WDR70: variants seen among roughly 807,000 people sequenced by gnomAD.
WDR70 encodes WD repeat domain 70, also known as WD repeat-containing protein 70.
In WDR70, 53 loss-of-function variants were observed where a neutral mutation model predicts 88.6. That is an observed-to-expected ratio of 0.60 (90% CI 0.48 to 0.75). WDR70 has a LOEUF of 0.75. Ranked by LOEUF, WDR70 falls within the 30% of genes least tolerant of loss-of-function variation. WDR70 has a pLI of 0.00. For missense variants in WDR70, 610 were observed against 823.2 expected, an observed-to-expected ratio of 0.74 and a Z score of 3.17; for synonymous variants, 280 against 270.0, an observed-to-expected ratio of 1.04 and a Z score of -0.36.
At chr5:37,449,204 TG>T (rs1002728713) in intron 7 of WDR70, among the ~76,000 whole-genome samples, 4 of 152,204 alleles carry the variant, frequency 2.6e-5, no homozygotes, top group African/African-American at 9.6e-5. Flanking sequence ...GTTTCAACTG[TG>T]GTGATTGGGA....
At chr5:37,611,567 T>C (rs1581434654) in intron 10 of WDR70, among the ~76,000 whole-genome samples, 1 of 152,076 alleles carries the variant, frequency 6.6e-6, no homozygotes, top group African/African-American at 2.4e-5. Context: ...AATGCATTGA[T>C]ATATTTTTAG....
At chr5:37,481,624 C>T (rs986213553) in intron 8 of WDR70, among the ~76,000 whole-genome samples, 5 of 152,144 alleles carry the variant, frequency 3.3e-5, no homozygotes, top group African/African-American at 4.8e-5. Flanking sequence ...CCTTCTAAGC[C>T]TCCAGGCCTG....
rs774084026 is a variant in WDR70, at chr5:37,437,998, A to G, written c.552+17A>G. ...ACTAAAACAGTAAGTTTAAAAATCT[A>G]GTTTTTTCCTCTCTCAAATTACAGG... On this transcript the variant is annotated intron_variant, in intron 6 of 17. Coordinates refer to ENST00000265107, the MANE Select transcript of WDR70 (RefSeq NM_018034.4). The G allele has an allele frequency of 2.5e-6, 4 of 1,601,312 alleles. No homozygotes were observed. The highest frequency in any genetic ancestry group is 3.4e-5 in the Admixed American group (2 of 58,498).
chr5:37,470,136 CAAA>C (rs60159670), intron 7 of WDR70, among the ~76,000 whole-genome samples: 3 of 115,730 alleles, frequency 2.6e-5, no homozygotes, highest in Non-Finnish European at 6.6e-5. Context: ...AAAACAAAAA[CAAA>C]AAAAAACGCA....
At chr5:37,489,648 A>G (rs1223922185) in intron 8 of WDR70, among the ~76,000 whole-genome samples, 2 of 152,046 alleles carry the variant, frequency 1.3e-5, no homozygotes, top group East Asian at 3.9e-4. Flanking sequence ...GCCATCTGGT[A>G]GTACACACTC....
intron 13 of WDR70, 24 bp downstream of exon 13, chr5:37,703,111 G>C: frequency 6.3e-7 from 1 of 1,586,228 alleles, no homozygotes; most frequent in Non-Finnish European, 8.6e-7. Flanking sequence ...TTTCTCCTCA[G>C]CCTTGAGAAT....
chr5:37,648,357 T>C (rs1489259399), intron 10 of WDR70, among the ~76,000 whole-genome samples: 1 of 152,162 alleles, frequency 6.6e-6, no homozygotes, highest in Non-Finnish European at 1.5e-5. Flanking sequence ...CACCATACCA[T>C]GTCTTTCAGG....
intron 8 of WDR70, among the ~76,000 whole-genome samples, chr5:37,501,769 C>T (rs977654072): frequency 1.3e-5 from 2 of 151,970 alleles, no homozygotes; most frequent in Non-Finnish European, 2.9e-5. Flanking sequence ...TGGCTTTATT[C>T]CTGGGTTCTC....
chr5:37,750,043 G>C (rs1359700855), intron 17 of WDR70, among the ~76,000 whole-genome samples: 1 of 151,988 alleles, frequency 6.6e-6, no homozygotes, highest in Non-Finnish European at 1.5e-5. Context: ...AATACAAAAT[G>C]TACCCATTTC....
intron 8 of WDR70, among the ~76,000 whole-genome samples, chr5:37,486,193 T>A (rs1739862828): frequency 6.6e-6 from 1 of 152,148 alleles, no homozygotes; most frequent in Admixed American, 6.5e-5. Flanking sequence ...AGATGAGCCA[T>A]TGGATTAAAT....
rs766906476 is a variant in WDR70, at chr5:37,726,974, T to C, written c.1806T>C (p.Pro602=). The C allele has an allele frequency of 1.6e-5, 26 of 1,611,628 alleles. No homozygotes were observed. Among genetic ancestry groups the C allele is most frequent in the Admixed American group, 6.7e-5 (4 of 59,642 alleles). The change falls in exon 17 of 18, where the codon CCT becomes CCC. Residue 602 remains proline (P), a synonymous_variant. Transcript: ENST00000265107. Reference sequence around the variant, plus strand: ...TGGACAAGACCGATGACAGTAATCCTCGGGAAGCCATTTTGCGTCATGCCA... The same window carrying C: ...TGGACAAGACCGATGACAGTAATCCCCGGGAAGCCATTTTGCGTCATGCCA... ...IALDKTDDSN[P]REAILRHAKA...
intron 9 of WDR70, among the ~76,000 whole-genome samples, chr5:37,588,925 C>T (rs112358726): frequency 2.0e-4 from 30 of 151,904 alleles, no homozygotes; most frequent in African/African-American, 5.8e-4. Flanking sequence ...CCACCATGTT[C>T]GGCTAATTTT....
intron 7 of WDR70, among the ~76,000 whole-genome samples, chr5:37,449,063 T>C (rs1177472881): frequency 4.6e-5 from 7 of 152,260 alleles, no homozygotes; most frequent in Non-Finnish European, 7.3e-5. Flanking sequence ...CCATATGCCA[T>C]TCTTTGGCTG....
At chr5:37,704,791 G>A (rs541138696) in intron 13 of WDR70, among the ~76,000 whole-genome samples, 1 of 152,122 alleles carries the variant, frequency 6.6e-6, no homozygotes, top group Non-Finnish European at 1.5e-5. Flanking sequence ...TCGGTTAGGT[G>A]TGTCTTTGGA....
At position 37,543,855 on chromosome 5, in the gene WDR70, G is replaced by A. The variant is rs550240537; in HGVS notation, c.917+27265G>A. On this transcript the variant is annotated intron_variant, in intron 9 of 17. Transcript: ENST00000265107. ...ATGATCTCAGCTCACTACAACCTCC[G>A]CCTCCTGGGTTCAGGCGATTCTGCC... Among the ~76,000 whole-genome samples the A allele has an allele frequency of 2.6e-5, 4 of 152,234 alleles. No homozygotes were observed. The East Asian group carries it at 5.8e-4, about 22-fold the overall frequency.
chr5:37,740,887 T>C (rs1469763988), intron 17 of WDR70, among the ~76,000 whole-genome samples: 1 of 152,218 alleles, frequency 6.6e-6, no homozygotes, highest in Non-Finnish European at 1.5e-5. Context: ...GATGGAGCTC[T>C]CAAGAGGTAC....
chr5:37,532,584 G>C (rs1741530536), intron 9 of WDR70, among the ~76,000 whole-genome samples: 1 of 151,916 alleles, frequency 6.6e-6, no homozygotes. Flanking sequence ...GCATTTCTCT[G>C]AGTGTGTCCT....
chr5:37,442,033 ATTT>A (rs545329551), intron 6 of WDR70, among the ~76,000 whole-genome samples: 90,317 of 116,632 alleles, frequency 0.77, 36,643 homozygotes, highest in East Asian at 0.97. Flanking sequence ...AGGGAAAGCA[ATTT>A]TTTTTTTTTT....
chr5:37,597,595 C>T lies in WDR70; in HGVS notation c.918-7469C>T, dbSNP rs756831925. On this transcript the variant is annotated intron_variant, in intron 9 of 17. Transcript: ENST00000265107. ...TTTAGATATTCTGGATACAAGTTAACACAAGCGTGGGTTTTTAAAAAGAGT... is the reference window on the plus strand; with the variant it reads ...TTTAGATATTCTGGATACAAGTTAATACAAGCGTGGGTTTTTAAAAAGAGT... 4.6e-5 allele frequency among the ~76,000 whole-genome samples: 7 copies of T among 152,182 alleles called. No individual in the cohort carries two copies. The South Asian group carries it at 1.2e-3, about 27-fold the overall frequency.
Sources: gnomAD v4.1 joint callset for allele counts (sites outside exome capture counted in the v4.1 genomes callset) on GRCh38, gnomAD v4.1.1 for gene constraint, MANE v1.5 for transcripts, NCBI Gene and HGNC (gene_info 2026-07-23, HGNC 2026-07-21) for gene names.